The following IYD variants were observed in gnomAD, a reference collection of about 807,000 sequenced individuals.
IYD encodes the protein iodotyrosine deiodinase 1.
A neutral mutation model predicts 28.4 loss-of-function variants in IYD; 25 were observed. The observed-to-expected ratio is 0.88, with a 90% CI of 0.64 to 1.23. IYD has a LOEUF of 1.23. IYD is among the 50% of genes most tolerant of loss of function. The probability of loss-of-function intolerance (pLI) is 0.00; values close to 1 mark genes in which losing one functional copy is unlikely to be tolerated. For synonymous variants in IYD, 140 were observed against 130.8 expected, an observed-to-expected ratio of 1.07 and a Z score of -0.48; for missense variants, 352 against 357.9, an observed-to-expected ratio of 0.98 and a Z score of 0.13.
In IYD at chr6:150,404,714, T is replaced by C. The variant is rs142991141; in HGVS notation, c.*6477T>C. 4.3e-4 allele frequency: 65 copies of C among 152,364 alleles called. No homozygotes were observed. The highest frequency in any genetic ancestry group is 1.5e-3 in the African/African-American group (62 of 41,596). The allele number at this position is 152,364 out of a possible 1,614,324, so 9.4% of individuals were successfully genotyped here. On this transcript the variant is annotated 3_prime_UTR_variant, in exon 5 of 5. Transcript: ENST00000344419. ...CCCCCTTCCCCAAAGAGATTTGTTTTATTTATTTGTTTACTAGTTTTATAA... is the reference window on the plus strand; with the variant it reads ...CCCCCTTCCCCAAAGAGATTTGTTTCATTTATTTGTTTACTAGTTTTATAA...
chr6:150,377,295 A>C (rs926640660), intron 1 of IYD, among the ~76,000 whole-genome samples: 1 of 152,200 alleles, frequency 6.6e-6, no homozygotes, highest in Admixed American at 6.5e-5. Flanking sequence ...GCAGGAAAAC[A>C]AAGGGGTTAC....
At chr6:150,391,120 C>T (rs1562319403) in intron 2 of IYD, among the ~76,000 whole-genome samples, 1 of 151,520 alleles carries the variant, frequency 6.6e-6, no homozygotes, top group South Asian at 2.1e-4. Context: ...GCCTGTAGTC[C>T]CAGCTACTCG....
In IYD at chr6:150,389,440, G is replaced by C. The variant is rs996696423; in HGVS notation, c.267G>C (p.Arg89Ser). 5.0e-6 allele frequency: 8 copies of C among 1,613,406 alleles called. No individual in the cohort carries two copies. The African/African-American group carries it at 8.0e-5, about 16-fold the overall frequency. ...ATCCTGAGAAGGAAATGGTTAAGAGGTCTCAGGAATTTTATGAACTTCTCA... is the reference window on the plus strand; with the variant it reads ...ATCCTGAGAAGGAAATGGTTAAGAGCTCTCAGGAATTTTATGAACTTCTCA... ...NHYPEKEMVK[R>S]SQEFYELLNK... The change falls in exon 2 of 5, where the codon AGG becomes AGC. Residue 89 changes from arginine to serine, a missense_variant. Coordinates refer to ENST00000344419, the MANE Select transcript of IYD (RefSeq NM_203395.3).
rs989038694 is a variant in IYD at position 150,398,347 on chromosome 6, C to G, written c.*110C>G. On this transcript the variant is annotated 3_prime_UTR_variant, in exon 5 of 5. Transcript: ENST00000344419. ...TGCTCTTTCTCCAGGTGTCAGGTCCCCTCATTGCTCTTCTCAGGTGGCCAC... is the reference window on the plus strand; with the variant it reads ...TGCTCTTTCTCCAGGTGTCAGGTCCGCTCATTGCTCTTCTCAGGTGGCCAC... The G allele has an allele frequency of 4.8e-6, 5 of 1,037,640 alleles. No homozygotes were observed. The Admixed American group carries it at 7.7e-5, about 16-fold the overall frequency. The allele number at this position is 1,037,640 out of a possible 1,614,324, so 64.3% of individuals were successfully genotyped here.
intron 1 of IYD, among the ~76,000 whole-genome samples, chr6:150,386,034 T>C (rs1310104992): frequency 2.0e-5 from 3 of 152,046 alleles, no homozygotes; most frequent in Non-Finnish European, 4.4e-5. Context: ...GACAGACGAT[T>C]GCCAATTTAA....
At position 150,389,425 on chromosome 6, in the gene IYD, G is replaced by A. The variant is rs370186813; in HGVS notation, c.252G>A (p.Lys84=). 119 of 1,613,662 alleles carry A rather than the reference G, an allele frequency of 7.4e-5. No homozygotes were observed. The highest frequency in any genetic ancestry group is 2.7e-4 in the East Asian group (12 of 44,870). Residue 84 remains lysine, a synonymous_variant, in exon 2 of 5, where the codon AAG becomes AAA. Coordinates refer to ENST00000344419, the MANE Select transcript of IYD (RefSeq NM_203395.3). The part of the protein sequence containing the change: ...IPFSHNHYPE[K]EMVKRSQEFY... ...TCTCTCATAACCACTATCCTGAGAAGGAAATGGTTAAGAGGTCTCAGGAAT... is the reference window on the plus strand; with the variant it reads ...TCTCTCATAACCACTATCCTGAGAAAGAAATGGTTAAGAGGTCTCAGGAAT...
intron 1 of IYD, among the ~76,000 whole-genome samples, chr6:150,381,323 G>T (rs961281090): frequency 6.6e-6 from 1 of 152,178 alleles, no homozygotes; most frequent in Admixed American, 6.5e-5. Flanking sequence ...TGCTGAACCT[G>T]AACTTTCACT....
Position 150,376,119 on chromosome 6 carries a change from T to C in IYD, c.178+6910T>C, listed in dbSNP as rs1258521746. ...CGATTGTAGGGACCAAGGGACTGAT[T>C]GCTAGAAAGCTGATAAGGTGTATTA... is the stretch of plus-strand genomic sequence containing the variant. On this transcript the variant is annotated intron_variant, in intron 1 of 4. Coordinates refer to ENST00000344419, the MANE Select transcript of IYD (RefSeq NM_203395.3). Among the ~76,000 whole-genome samples the C allele has an allele frequency of 2.0e-5, 3 of 152,184 alleles. No homozygotes were observed. The East Asian group carries it at 5.8e-4, about 29-fold the overall frequency.
At chr6:150,392,773 C>T (rs1778172318) in intron 3 of IYD, among the ~76,000 whole-genome samples, 1 of 152,184 alleles carries the variant, frequency 6.6e-6, no homozygotes, top group Admixed American at 6.5e-5. Context: ...TAAAATTCTT[C>T]TCAAGATCTT....
chr6:150,398,263 G>T lies in IYD; in HGVS notation c.*26G>T. 6.2e-7 allele frequency: 1 copy of T among 1,611,438 alleles called. No homozygotes were observed. The highest frequency in any genetic ancestry group is 1.3e-5 in the African/African-American group (1 of 74,916). ...GCAGGGCCCCCCAAGGGAGTGGCAG[G>T]GAGATGGCGCCCCTGCTTTTCCCTG... On this transcript the variant is annotated 3_prime_UTR_variant, in exon 5 of 5. Transcript: ENST00000344419.
In IYD at chr6:150,402,059, G is replaced by C. The variant is rs754910152; in HGVS notation, c.*3822G>C. The C allele has an allele frequency of 6.6e-6, 1 of 152,248 alleles. No individual in the cohort carries two copies. Among genetic ancestry groups the C allele is most frequent in the Non-Finnish European group, 1.5e-5 (1 of 68,056 alleles). The allele number at this position is 152,248 out of a possible 1,614,324, so 9.4% of individuals were successfully genotyped here. A position where few individuals can be genotyped will look rare whatever the true frequency, so the allele number is the denominator to read the frequency against. ...GTATTCCCAGGTGTTGCTGATGCTGGTGATTGGGTACCACATTTTGAGAAC... is the reference window on the plus strand; with the variant it reads ...GTATTCCCAGGTGTTGCTGATGCTGCTGATTGGGTACCACATTTTGAGAAC... On this transcript the variant is annotated 3_prime_UTR_variant, in exon 5 of 5. Coordinates refer to ENST00000344419, the MANE Select transcript of IYD (RefSeq NM_203395.3).
At chr6:150,377,538 A>G (rs588036) in intron 1 of IYD, among the ~76,000 whole-genome samples, 62,692 of 152,072 alleles carry the variant, frequency 0.41, 14,538 homozygotes, top group Non-Finnish European at 0.54. Flanking sequence ...GATGAGGATC[A>G]TTTGTTTGAC....
chr6:150,399,808 CT>C lies in IYD; in HGVS notation c.*1572del, dbSNP rs1778452606. The C allele has an allele frequency of 6.6e-6, 1 of 152,186 alleles. No individual in the cohort carries two copies. The highest frequency in any genetic ancestry group is 2.1e-4 in the South Asian group (1 of 4,830). The allele number at this position is 152,186 out of a possible 1,614,324, so 9.4% of individuals were successfully genotyped here. A position where few individuals can be genotyped will look rare whatever the true frequency, so the allele number is the denominator to read the frequency against. On this transcript the variant is annotated 3_prime_UTR_variant, in exon 5 of 5. Transcript: ENST00000344419. ...CGTGGTAGAAAGAGGGTTAGAGCCT[CT>C]GGCATGCCTTTTATAAGGGTACTAA...
At chr6:150,369,759 G>C (rs562923380) in intron 1 of IYD, among the ~76,000 whole-genome samples, 2 of 152,310 alleles carry the variant, frequency 1.3e-5, no homozygotes, top group South Asian at 2.1e-4. Context: ...TTTAGAGTAG[G>C]CCTGGGAGTT....
chr6:150,373,724 C>T (rs1472508858), intron 1 of IYD, among the ~76,000 whole-genome samples: 1 of 152,184 alleles, frequency 6.6e-6, no homozygotes, highest in Non-Finnish European at 1.5e-5. Flanking sequence ...CTTACCAGCC[C>T]ACCACTGCCA....
At position 150,398,336 on chromosome 6, in the gene IYD, G is replaced by A. The variant is rs1582806642; in HGVS notation, c.*99G>A. 8.4e-7 allele frequency: 1 copy of A among 1,193,736 alleles called. No individual in the cohort carries two copies. Among genetic ancestry groups the A allele is most frequent in the Non-Finnish European group, 1.2e-6 (1 of 811,882 alleles). The allele number at this position is 1,193,736 out of a possible 1,614,324, so 73.9% of individuals were successfully genotyped here. On this transcript the variant is annotated 3_prime_UTR_variant, in exon 5 of 5. Coordinates refer to ENST00000344419, the MANE Select transcript of IYD (RefSeq NM_203395.3). ...GGTCTCTTGGCTGCTCTTTCTCCAGGTGTCAGGTCCCCTCATTGCTCTTCT... is the reference window on the plus strand; with the variant it reads ...GGTCTCTTGGCTGCTCTTTCTCCAGATGTCAGGTCCCCTCATTGCTCTTCT...
At chr6:150,369,590 A>T (rs577283290) in intron 1 of IYD, among the ~76,000 whole-genome samples, 14 of 152,180 alleles carry the variant, frequency 9.2e-5, no homozygotes, top group Non-Finnish European at 1.8e-4. Context: ...GGCATCACCT[A>T]GGAGGCTGCT....
chr6:150,395,067 T>C (rs893300308), intron 4 of IYD, among the ~76,000 whole-genome samples: 3 of 152,168 alleles, frequency 2.0e-5, no homozygotes, highest in African/African-American at 4.8e-5. Context: ...AGTGATTCAC[T>C]CTTCTCAGCT....
Position 150,400,644 on chromosome 6 carries a change from G to A in IYD, c.*2407G>A, listed in dbSNP as rs12528482. On this transcript the variant is annotated 3_prime_UTR_variant, in exon 5 of 5. Coordinates refer to ENST00000344419, the MANE Select transcript of IYD (RefSeq NM_203395.3). ...GAGTGTCACTGTGGGAAGAATAAGA[G>A]GGGGACTGTCTTGTCCTTGCTACTC... 6.6e-6 allele frequency: 1 copy of A among 152,216 alleles called. No individual in the cohort carries two copies. The highest frequency in any genetic ancestry group is 2.4e-5 in the African/African-American group (1 of 41,452). The allele number at this position is 152,216 out of a possible 1,614,324, so 9.4% of individuals were successfully genotyped here. A position where few individuals can be genotyped will look rare whatever the true frequency, so the allele number is the denominator to read the frequency against.
Sources: allele counts gnomAD v4.1 joint callset (sites outside exome capture counted in the v4.1 genomes callset), GRCh38; gene constraint gnomAD v4.1.1; transcripts MANE v1.5; gene names NCBI Gene and HGNC (gene_info 2026-07-23, HGNC 2026-07-21).